TRAPPC9: variants seen among roughly 807,000 people sequenced by gnomAD.
TRAPPC9 encodes the protein trafficking protein particle complex subunit 9.
In TRAPPC9, 83 loss-of-function variants were observed where a neutral mutation model predicts 124.0. The ratio of observed to expected loss-of-function variants is 0.67; its 90% CI spans 0.56 to 0.80. TRAPPC9 has a LOEUF of 0.80. Among genes scored for constraint, TRAPPC9 ranks in the 30% least tolerant of loss-of-function variants. The probability of loss-of-function intolerance (pLI) is 0.00; values close to 1 mark genes in which losing one functional copy is unlikely to be tolerated. For synonymous variants in TRAPPC9, 638 were observed against 617.5 expected (o/e 1.03, Z -0.49); for missense variants, 1,302 against 1,508.3 (o/e 0.86, Z 2.27).
intron 8 of TRAPPC9, among the ~76,000 whole-genome samples, chr8:140,367,757 TTCA>T (rs1345245510): frequency 6.6e-6 from 1 of 151,908 alleles, no homozygotes; most frequent in African/African-American, 2.4e-5. Context: ...TCAACATAGG[TTCA>T]TCAATTGCAA....
intron 17 of TRAPPC9, among the ~76,000 whole-genome samples, chr8:140,117,533 C>T (rs184185507): frequency 8.9e-4 from 136 of 152,258 alleles, no homozygotes; most frequent in Non-Finnish European, 1.6e-3. Flanking sequence ...AGAGCCCACT[C>T]CCCAAAGCTC....
In TRAPPC9 at chr8:140,287,514, T is replaced by C. The variant is rs6999767; in HGVS notation, c.1981+94A>G. 1,052,505 of 1,511,172 alleles carry C rather than the reference T, an allele frequency of 0.7. 368,848 individuals carry two copies. The highest frequency in any genetic ancestry group is 0.88 in the African/African-American group (64,045 of 73,040). 93.6% of individuals were successfully genotyped at this position (1,511,172 alleles called of 1,614,324 possible). A position where few individuals can be genotyped will look rare whatever the true frequency, so the allele number is the denominator to read the frequency against. On this transcript the variant is annotated intron_variant, in intron 13 of 22. Coordinates refer to ENST00000438773, the MANE Select transcript of TRAPPC9 (RefSeq NM_001160372.4). ...TCATTATCTTCTAACTGGTTAGGAC[T>C]GGCATGACGGGCGATCGGCTCTGGA... is the stretch of plus-strand genomic sequence containing the variant.
chr8:140,399,070 T>C (rs1019535964), intron 6 of TRAPPC9, among the ~76,000 whole-genome samples: 1 of 152,236 alleles, frequency 6.6e-6, no homozygotes, highest in South Asian at 2.1e-4. Context: ...GCAGCTTCCA[T>C]GTGGTGTTGA....
At position 139,789,799 on chromosome 8, in the gene TRAPPC9, G is replaced by A. The variant is rs1052070289; in HGVS notation, c.3056-57597C>T. ...GGAAAACCGAGAGAATCATGTGATC[G>A]AGGGAGGACCAAATGGCGGTCTTAC... is the stretch of plus-strand genomic sequence containing the variant. On this transcript the variant is annotated intron_variant, in intron 21 of 22. Transcript: ENST00000438773. Among the ~76,000 whole-genome samples, 5 of 152,110 alleles carry A rather than the reference G, an allele frequency of 3.3e-5. No homozygotes were observed. In the South Asian group the frequency reaches 6.2e-4, roughly 19 times the overall value.
At chr8:140,073,795 T>C (rs1843334174) in intron 17 of TRAPPC9, among the ~76,000 whole-genome samples, 1 of 152,204 alleles carries the variant, frequency 6.6e-6, no homozygotes, top group African/African-American at 2.4e-5. Flanking sequence ...CGTTGATGAT[T>C]ACTGAAGCTG....
intron 19 of TRAPPC9, chr8:139,932,346 C>A (rs1004581238): frequency 4.4e-6 from 2 of 457,792 alleles, no homozygotes; most frequent in Non-Finnish European, 8.8e-6. Flanking sequence ...GGCCACGGGA[C>A]CTGAGCAGAG....
intron 17 of TRAPPC9, among the ~76,000 whole-genome samples, chr8:140,073,643 A>G (rs1297888686): frequency 6.6e-6 from 1 of 152,188 alleles, no homozygotes; most frequent in Non-Finnish European, 1.5e-5. Flanking sequence ...CAAACTGTAG[A>G]GTTAAGATGT....
chr8:140,216,741 G>GCGGGAGA lies in TRAPPC9; in HGVS notation c.2556+4717_2556+4718insTCTCCCG, dbSNP rs2063205971. On this transcript the variant is annotated intron_variant, in intron 17 of 22. Coordinates refer to ENST00000438773, the MANE Select transcript of TRAPPC9 (RefSeq NM_001160372.4). This position sits in a 1 kb window ranked among gnomAD's most constrained non-coding sequence, Gnocchi z 4.1. The stretch of plus-strand genomic sequence containing the variant: ...GGTTCGGGAATGCCCTCTCCACTCT[G>GCGGGAGA]GCCTGCTAGCTCACCCCAGCTTCTT... 6.6e-6 allele frequency among the ~76,000 whole-genome samples: 1 copy of GCGGGAGA among 152,104 alleles called. No individual in the cohort carries two copies. The highest frequency in any genetic ancestry group is 2.1e-4 in the South Asian group (1 of 4,824).
chr8:140,379,842 T>C (rs1200481760), intron 7 of TRAPPC9, among the ~76,000 whole-genome samples: 1 of 152,156 alleles, frequency 6.6e-6, no homozygotes, highest in Admixed American at 6.5e-5. Context: ...GCCTTTCTTA[T>C]TAGGAAACAG....
intron 17 of TRAPPC9, chr8:140,094,902 A>G (rs943197096): frequency 6.6e-6 from 1 of 152,338 alleles, no homozygotes; most frequent in East Asian, 1.9e-4. Context: ...TGTATATCGC[A>G]CCTAGTACAT....
At chr8:140,350,194 C>T (rs938470605) in intron 9 of TRAPPC9, among the ~76,000 whole-genome samples, 3 of 152,228 alleles carry the variant, frequency 2.0e-5, no homozygotes, top group African/African-American at 7.2e-5. Context: ...ATAACATTTT[C>T]TGAAGCAACA....
intron 17 of TRAPPC9, among the ~76,000 whole-genome samples, chr8:140,110,136 G>A (rs2060737200): frequency 1.3e-5 from 2 of 150,308 alleles, no homozygotes; most frequent in Admixed American, 6.6e-5. Flanking sequence ...TAGACTGCCA[G>A]GCTCTGCTCT....
chr8:139,902,792 G>A (rs140774001), intron 20 of TRAPPC9, among the ~76,000 whole-genome samples: 23 of 152,250 alleles, frequency 1.5e-4, no homozygotes, highest in African/African-American at 9.6e-5. Context: ...CCTGAGTCCC[G>A]CCTCTGTCCT....
chr8:140,084,986 C>G (rs1844090246), intron 17 of TRAPPC9, among the ~76,000 whole-genome samples: 1 of 152,180 alleles, frequency 6.6e-6, no homozygotes, highest in South Asian at 2.1e-4. Flanking sequence ...GACTCCGAGG[C>G]CTATGCTCGC....
chr8:140,441,512 T>C (rs1564026023), intron 2 of TRAPPC9, among the ~76,000 whole-genome samples: 1 of 152,226 alleles, frequency 6.6e-6, no homozygotes, highest in Non-Finnish European at 1.5e-5. Flanking sequence ...AAAGATTTGC[T>C]TTAAAGCATC....
At chr8:140,075,567 A>T (rs1843456870) in intron 17 of TRAPPC9, among the ~76,000 whole-genome samples, 1 of 152,224 alleles carries the variant, frequency 6.6e-6, no homozygotes, top group African/African-American at 2.4e-5. Flanking sequence ...CCGCCATATA[A>T]GTAGCTAGCC....
At chr8:140,161,544 T>C (rs1204843548) in intron 17 of TRAPPC9, among the ~76,000 whole-genome samples, 2 of 152,164 alleles carry the variant, frequency 1.3e-5, no homozygotes, top group African/African-American at 4.8e-5. Flanking sequence ...AAGGTAACTG[T>C]ATATGATACT....
At position 140,371,211 on chromosome 8, in the gene TRAPPC9, T is replaced by C. The variant is rs770627004; in HGVS notation, c.1135-31A>G. 1.9e-6 allele frequency: 3 copies of C among 1,568,002 alleles called. No individual in the cohort carries two copies. In the South Asian group the frequency reaches 3.4e-5, roughly 18 times the overall value. On this transcript the variant is annotated intron_variant, in intron 7 of 22. Transcript: ENST00000438773. ...GCACAGAGAGAAAGTAAAAAGCTTT[T>C]GAAAGAAACGTATAAGTGAAAAAAG...
intron 17 of TRAPPC9, among the ~76,000 whole-genome samples, chr8:140,210,417 G>A (rs1299580425): frequency 1.3e-5 from 2 of 152,220 alleles, no homozygotes; most frequent in Non-Finnish European, 2.9e-5. Context: ...GGACACTGTG[G>A]CGGCTGCTGC....
Sources: allele counts gnomAD v4.1 joint callset (sites outside exome capture counted in the v4.1 genomes callset), GRCh38; gene constraint gnomAD v4.1.1; non-coding constraint Gnocchi (gnomAD v3.1); transcripts MANE v1.5; gene names NCBI Gene and HGNC (gene_info 2026-07-23, HGNC 2026-07-21).